The following SGSM1 variants were observed in gnomAD, a reference collection of about 807,000 sequenced individuals.
SGSM1 encodes the protein small G protein signaling modulator 1, also known as RUN and TBC1 domain containing 2.
A neutral mutation model predicts 133.8 loss-of-function variants in SGSM1; 73 were observed. The ratio of observed to expected loss-of-function variants is 0.55; its 90% confidence interval spans 0.45 to 0.66. SGSM1 has a LOEUF of 0.66. SGSM1 is among the 30% of genes least tolerant of loss of function. The pLI, the probability that SGSM1 is intolerant of heterozygous loss-of-function variation, is 0.00. For synonymous variants in SGSM1, 563 were observed against 573.0 expected (o/e 0.98, Z 0.25); for missense variants, 1,213 against 1,448.1 (o/e 0.84, Z 2.64).
At chr22:24,911,703 T>A (rs1007189940) in intron 21 of SGSM1, among the ~76,000 whole-genome samples, 3 of 152,158 alleles carry the variant, frequency 2.0e-5, no homozygotes, top group Non-Finnish European at 4.4e-5. Flanking sequence ...AGGCATCAGA[T>A]AAATTCCATT....
rs1423066885 is a variant in SGSM1, at chr22:24,889,670, G to C, written c.1770+2942G>C. Among the ~76,000 whole-genome samples, 5 of 145,526 alleles carry C rather than the reference G, an allele frequency of 3.4e-5. No homozygotes were observed. In the South Asian group the frequency reaches 6.7e-4, roughly 19 times the overall value. On this transcript the variant is annotated intron_variant, in intron 16 of 24. Transcript: ENST00000400358. ...CTTAAATTGATTTTTTTTTTTTTGAGATAGAGTCTTGCTGTGTCGCCCAGG... is the reference window on the plus strand; with the variant it reads ...CTTAAATTGATTTTTTTTTTTTTGACATAGAGTCTTGCTGTGTCGCCCAGG...
Position 24,905,105 on chromosome 22 carries a change from C to T in SGSM1, c.2736C>T (p.Ser912=), listed in dbSNP as rs1393186728. The T allele has an allele frequency of 6.2e-7, 1 of 1,613,942 alleles. No individual in the cohort carries two copies. The change falls in exon 21 of 25, where the codon AGC becomes AGT. Residue 912 remains serine (S), a splice_region_variant and synonymous_variant. Coordinates refer to ENST00000400358, the MANE Select transcript of SGSM1 (RefSeq NM_001098497.3). ...NLEKLRNIMC[S]YIWQHIEIGY... ...CATTGGCCCCTTGTGTCTCTTCTAG[C>T]TACATCTGGCAGCACATTGAGATCG...
chr22:24,860,847 C>G (rs1931081716), intron 9 of SGSM1, among the ~76,000 whole-genome samples: 1 of 134,672 alleles, frequency 7.4e-6, no homozygotes, highest in Non-Finnish European at 1.5e-5. Context: ...TTGCAGTGAG[C>G]TGAGATCATA....
chr22:24,867,240 C>A, intron 10 of SGSM1, 80 bp downstream of exon 10: 1 of 1,392,390 alleles, frequency 7.2e-7, no homozygotes, highest in Non-Finnish European at 1.0e-6. Flanking sequence ...TATTCATTAG[C>A]ATCATGAGCG....
chr22:24,833,441 C>T lies in SGSM1; in HGVS notation c.64-11456C>T, dbSNP rs536975990. On this transcript the variant is annotated intron_variant, in intron 2 of 24. Transcript: ENST00000400358. The stretch of plus-strand genomic sequence containing the variant: ...TTGGGAGGCTGAGGCAGGTGGATCA[C>T]GAGGTCAAGAGATCGAGACCATCCT... Among the ~76,000 whole-genome samples the T allele has an allele frequency of 1.7e-4, 25 of 151,492 alleles. No individual in the cohort carries two copies. In the East Asian group the frequency reaches 2.6e-3, roughly 16 times the overall value.
At chr22:24,871,627 G>A (rs1388559177) in intron 12 of SGSM1, among the ~76,000 whole-genome samples, 1 of 152,172 alleles carries the variant, frequency 6.6e-6, no homozygotes, top group Non-Finnish European at 1.5e-5. Context: ...TAAGCAACTA[G>A]TCCAGGATCA....
Position 24,896,631 on chromosome 22 carries a change from T to G in SGSM1, c.2022+1340T>G, listed in dbSNP as rs991866362. Among the ~76,000 whole-genome samples the G allele has an allele frequency of 3.3e-5, 5 of 151,928 alleles. 1 individual carries two copies. The highest frequency in any genetic ancestry group is 7.2e-5 in the African/African-American group (3 of 41,470). Reference sequence around the variant, plus strand: ...TTTTTTATTTTTTGTTTTTTGGTTTTTTTTTTTTTGCCTTTTCCGTGTGTT... The same window carrying G: ...TTTTTTATTTTTTGTTTTTTGGTTTGTTTTTTTTTGCCTTTTCCGTGTGTT... On this transcript the variant is annotated intron_variant, in intron 18 of 24. Transcript: ENST00000400358.
In SGSM1 at chr22:24,895,698, C is replaced by T. The variant is rs144900320; in HGVS notation, c.2022+407C>T. 3.1e-3 allele frequency among the ~76,000 whole-genome samples: 477 copies of T among 152,206 alleles called. 2 individuals carry two copies. Among genetic ancestry groups the T allele is most frequent in the Non-Finnish European group, 5.3e-3 (360 of 68,010 alleles). On this transcript the variant is annotated intron_variant, in intron 18 of 24. Coordinates refer to ENST00000400358, the MANE Select transcript of SGSM1 (RefSeq NM_001098497.3). Reference sequence around the variant, plus strand: ...AAATGCCATCATATATGTTGTTCAACAACTTTCCGTTTCAATTGGTGAAAA... The same window carrying T: ...AAATGCCATCATATATGTTGTTCAATAACTTTCCGTTTCAATTGGTGAAAA...
At chr22:24,819,023 G>A (rs1046714330) in intron 2 of SGSM1, among the ~76,000 whole-genome samples, 1 of 151,754 alleles carries the variant, frequency 6.6e-6, no homozygotes, top group Non-Finnish European at 1.5e-5. Context: ...GTGTGTGCCT[G>A]TAGTCCCAGC....
intron 2 of SGSM1, among the ~76,000 whole-genome samples, chr22:24,823,135 TGTAAA>T (rs1020701841): frequency 1.3e-5 from 2 of 152,310 alleles, no homozygotes; most frequent in African/African-American, 2.4e-5. Flanking sequence ...TTTCCTCATC[TGTAAA>T]GTAAAGAGGG....
At chr22:24,879,362 A>G (rs1932195112) in intron 13 of SGSM1, 100 bp from the exon 14 acceptor site, 1 of 1,103,198 alleles carries the variant, frequency 9.1e-7, no homozygotes, top group East Asian at 2.5e-5. Context: ...ACTGGCTGAT[A>G]TTAATCTGCC....
chr22:24,897,610 T>C (rs1356491755), intron 18 of SGSM1, among the ~76,000 whole-genome samples: 1 of 152,042 alleles, frequency 6.6e-6, no homozygotes, highest in Non-Finnish European at 1.5e-5. Flanking sequence ...TGAGACCACA[T>C]GTGTGTGCCA....
chr22:24,826,970 T>C (rs1928834657), intron 2 of SGSM1, among the ~76,000 whole-genome samples: 1 of 152,100 alleles, frequency 6.6e-6, no homozygotes, highest in Non-Finnish European at 1.5e-5. Flanking sequence ...CTGACCTGTT[T>C]ATGTTTTTAC....
chr22:24,821,440 C>T (rs1377329421), intron 2 of SGSM1, among the ~76,000 whole-genome samples: 2 of 152,202 alleles, frequency 1.3e-5, no homozygotes, highest in Non-Finnish European at 2.9e-5. Context: ...GAACGTGCAG[C>T]ATTGGAGGAA....
intron 2 of SGSM1, among the ~76,000 whole-genome samples, chr22:24,815,185 AAG>A (rs1320353053): frequency 6.6e-6 from 1 of 152,204 alleles, no homozygotes; most frequent in East Asian, 1.9e-4. Flanking sequence ...CTTTTGCAGT[AAG>A]GCCTCATTGA....
At position 24,842,051 on chromosome 22, in the gene SGSM1, G is replaced by A. The variant is rs895953866; in HGVS notation, c.64-2846G>A. ...TCCCTGACAGTCCTCTACCATCTAC[G>A]ACTAAGCCTGGACTCACTCCCTCTG... On this transcript the variant is annotated intron_variant, in intron 2 of 24. Transcript: ENST00000400358. Among the ~76,000 whole-genome samples the A allele has an allele frequency of 3.9e-5, 6 of 152,118 alleles. No individual in the cohort carries two copies. The East Asian group carries it at 9.6e-4, about 24-fold the overall frequency.
chr22:24,823,093 C>T (rs760435336), intron 2 of SGSM1, among the ~76,000 whole-genome samples: 3 of 152,136 alleles, frequency 2.0e-5, no homozygotes, highest in Admixed American at 6.5e-5. Context: ...CTTGTGCTCT[C>T]GGGCAAGTCA....
chr22:24,909,710 C>T (rs1011585138), intron 21 of SGSM1, among the ~76,000 whole-genome samples: 1 of 152,080 alleles, frequency 6.6e-6, no homozygotes, highest in Admixed American at 6.6e-5. Context: ...CCCACCTTGG[C>T]CTCCCAAAGT....
At chr22:24,810,641 T>C (rs991831877) in intron 2 of SGSM1, among the ~76,000 whole-genome samples, 4 of 151,970 alleles carry the variant, frequency 2.6e-5, no homozygotes, top group Non-Finnish European at 5.9e-5. Context: ...AGCCTCTTAA[T>C]TGGAGGGGAG....
Sources: allele counts gnomAD v4.1 joint callset (sites outside exome capture counted in the v4.1 genomes callset), GRCh38; gene constraint gnomAD v4.1.1; transcripts MANE v1.5; gene names NCBI Gene and HGNC (gene_info 2026-07-23, HGNC 2026-07-21).